The following PALB2 variants were observed in gnomAD, a reference collection of about 807,000 sequenced individuals.
PALB2 encodes the protein partner and localizer of BRCA2, also known as mutant partner and localizer of BRCA2.
PALB2 carries 82 observed loss-of-function variants against 107.4 expected under a neutral mutation model. The ratio of observed to expected loss-of-function variants is 0.76; its 90% CI spans 0.64 to 0.92. The LOEUF (loss-of-function observed/expected upper bound fraction) is 0.92, where lower values mean the gene tolerates loss of function less well. Ranked by LOEUF, PALB2 falls within the 40% of genes least tolerant of loss-of-function variation. PALB2 has a pLI of 0.00. For missense variants in PALB2, 1,374 were observed against 1,379.9 expected (o/e 1.00, Z 0.07); for synonymous variants, 489 against 496.8 (o/e 0.98, Z 0.21).
chr16:23,631,971 T>G (rs940245806), intron 4 of PALB2, among the ~76,000 whole-genome samples: 1 of 152,148 alleles, frequency 6.6e-6, no homozygotes, highest in African/African-American at 2.4e-5. Context: ...ATCAGCCTCC[T>G]GAGTAGCAAT....
intron 4 of PALB2, 116 bp downstream of exon 4, chr16:23,634,746 G>T: frequency 7.1e-7 from 1 of 1,400,760 alleles, no homozygotes; most frequent in Non-Finnish European, 9.7e-7. Context: ...ACAGACGTAA[G>T]CCACCACACT....
rs2142416694 is a variant in PALB2 at position 23,635,132 on chromosome 16, G to A, written c.1414C>T (p.Gln472Ter). The change falls in exon 4 of 13, where the codon CAA becomes TAA. Residue 472 changes from glutamine (Q) to a stop codon, truncating the protein, a stop_gained. Coordinates refer to ENST00000261584, the MANE Select transcript of PALB2 (RefSeq NM_024675.4). LOFTEE classifies it high-confidence loss of function. ...TTCTGAGAGGTTCTTGAACTTGGTT[G>A]TCCTGTGCATGTGCCAGACATCCTA... ...EIRMSGTCTG[Q>*]PSSRTSQKLL... is the part of the protein sequence containing the mutation. The A allele has an allele frequency of 6.2e-7, 1 of 1,614,198 alleles. No homozygotes were observed. The highest frequency in any genetic ancestry group is 8.5e-7 in the Non-Finnish European group (1 of 1,180,040).
intron 8 of PALB2, 141 bp downstream of exon 8, chr16:23,623,868 A>ATT: frequency 1.5e-6 from 1 of 677,064 alleles, no homozygotes; most frequent in Non-Finnish European, 2.6e-6. Flanking sequence ...CATTCTATTG[A>ATT]TTTTTTTTTA....
intron 4 of PALB2, among the ~76,000 whole-genome samples, chr16:23,631,057 A>AGT (rs1348727442): frequency 6.7e-6 from 1 of 149,460 alleles, no homozygotes; most frequent in African/African-American, 2.5e-5. Flanking sequence ...TGAGGTCAGG[A>AGT]GTTCAAGACC....
chr16:23,608,776 A>G (rs1012797348), intron 11 of PALB2, among the ~76,000 whole-genome samples: 1 of 144,058 alleles, frequency 6.9e-6, no homozygotes, highest in African/African-American at 2.6e-5. Flanking sequence ...TCTAATAATA[A>G]TATTACTGTA....
At chr16:23,606,618 C>T (rs150379578) in intron 12 of PALB2, among the ~76,000 whole-genome samples, 3,857 of 152,104 alleles carry the variant, frequency 0.025, 69 homozygotes, top group Middle Eastern at 0.088. Flanking sequence ...CTCTCCCTCC[C>T]GGGTTCAAGC....
intron 4 of PALB2, 42 bp from the exon 5 acceptor site, chr16:23,630,511 A>T (rs749269657): frequency 1.4e-6 from 2 of 1,429,228 alleles, no homozygotes. Flanking sequence ...ACAAAACCCA[A>T]CAAAACAGAC....
rs45542234 is a variant in PALB2, at chr16:23,626,377, G to A, written c.2607C>T (p.Ser869=). 3.3e-4 allele frequency: 536 copies of A among 1,614,064 alleles called. 1 individual carries two copies. The African/African-American group carries it at 5.9e-3, about 18-fold the overall frequency. ...SELKNPSGSC[S]VDVSAMFWER... Reference sequence around the variant, plus strand: ...CCCAAAACATGGCACTCACATCTACGGAACAGGAACCTGAAGGATTCTGAC... The same window carrying A: ...CCCAAAACATGGCACTCACATCTACAGAACAGGAACCTGAAGGATTCTGAC... Residue 869 remains serine (S), a synonymous_variant, in exon 7 of 13, where the codon TCC becomes TCT. Coordinates refer to ENST00000261584, the MANE Select transcript of PALB2 (RefSeq NM_024675.4).
intron 12 of PALB2, among the ~76,000 whole-genome samples, chr16:23,604,968 G>C (rs943580385): frequency 7.9e-5 from 12 of 152,096 alleles, no homozygotes; most frequent in African/African-American, 2.9e-4. Context: ...CAGCTACTAG[G>C]GGGGCTGAGG....
At chr16:23,604,237 AC>A (rs1429008392) in intron 12 of PALB2, among the ~76,000 whole-genome samples, 2 of 152,144 alleles carry the variant, frequency 1.3e-5, no homozygotes, top group African/African-American at 2.4e-5. Flanking sequence ...TGAAGCAGAA[AC>A]CTACCTGGTT....
chr16:23,610,443 G>C (rs988435608), intron 11 of PALB2, among the ~76,000 whole-genome samples: 2 of 151,352 alleles, frequency 1.3e-5, no homozygotes, highest in South Asian at 2.1e-4. Context: ...CAACTAACTG[G>C]GACTACAGGT....
At chr16:23,628,806 G>T (rs185363985) in intron 6 of PALB2, among the ~76,000 whole-genome samples, 1 of 152,020 alleles carries the variant, frequency 6.6e-6, no homozygotes, top group African/African-American at 2.4e-5. Flanking sequence ...GCTAATTTTT[G>T]TATTTTTAGT....
intron 8 of PALB2, among the ~76,000 whole-genome samples, chr16:23,623,547 T>C (rs1966815096): frequency 8.1e-6 from 1 of 123,760 alleles, no homozygotes. Flanking sequence ...AGTCTCACTC[T>C]GTCATCCAGA....
Position 23,623,926 on chromosome 16 carries a change from G to A in PALB2, c.2834+83C>T, listed in dbSNP as rs551410901. 7.5e-5 allele frequency: 67 copies of A among 888,798 alleles called. No homozygotes were observed. Among genetic ancestry groups the A allele is most frequent in the Middle Eastern group, 2.1e-4 (1 of 4,702 alleles). The allele number at this position is 888,798 out of a possible 1,614,324, so 55.1% of individuals were successfully genotyped here. The stretch of plus-strand genomic sequence containing the variant: ...TCTTTCAGATTCTTTCAAGACTCAA[G>A]CCTAGGTTATTACCTGCACTTAAAA... On this transcript the variant is annotated intron_variant, in intron 8 of 12. Transcript: ENST00000261584.
rs1967059657 is a variant in PALB2 at position 23,636,295 on chromosome 16, A to T, written c.251T>A (p.Ile84Asn). ...NKICVYDKLH[I>N]KTHLDEETGE... ...AGTTTCTTCATCAAGATGGGTTTTG[A>T]TGTGTAACTTGTCATAAACACATAT... The change falls in exon 4 of 13, where the codon ATC (isoleucine) becomes AAC (asparagine). Residue 84 changes from isoleucine to asparagine, a missense_variant. By Grantham distance (149) the Ile-to-Asn change is moderately radical. Transcript: ENST00000261584. 6.2e-7 allele frequency: 1 copy of T among 1,613,596 alleles called. No individual in the cohort carries two copies. The highest frequency in any genetic ancestry group is 2.2e-5 in the East Asian group (1 of 44,872).
chr16:23,609,722 T>A (rs981077916), intron 11 of PALB2, among the ~76,000 whole-genome samples: 8 of 152,174 alleles, frequency 5.3e-5, no homozygotes, highest in Admixed American at 4.6e-4. Context: ...TTCACTGTGT[T>A]AGCCAGGATG....
Position 23,607,958 on chromosome 16 carries a change from G to C in PALB2, c.3256C>G (p.Arg1086Gly), listed in dbSNP as rs587776527. Residue 1086 changes from arginine to glycine, a missense_variant, in exon 12 of 13, where the codon CGA becomes GGA. Transcript: ENST00000261584. ...ACAATGAGCTGAAACACAGGGCTTC[G>C]CAACGACTCACTCTCTTTGGCACAG... ...HPCAKESESL[R>G]SPVFQLIVIN... The C allele has an allele frequency of 5.0e-6, 8 of 1,614,006 alleles. No homozygotes were observed. Among genetic ancestry groups the C allele is most frequent in the Non-Finnish European group, 6.8e-6 (8 of 1,179,940 alleles).
At chr16:23,638,328 A>G (rs926210927) in intron 1 of PALB2, 199 bp from the exon 2 acceptor site, 26 of 626,462 alleles carry the variant, frequency 4.2e-5, no homozygotes, top group Admixed American at 1.6e-4. Flanking sequence ...CATCTGGAAC[A>G]TGTCCTTCCT....
intron 10 of PALB2, among the ~76,000 whole-genome samples, chr16:23,617,050 C>T (rs905553163): frequency 1.3e-5 from 2 of 151,974 alleles, no homozygotes; most frequent in African/African-American, 4.8e-5. Context: ...CTGACCTCAT[C>T]GTGATCTGCC....
Sources: gnomAD v4.1 joint callset for allele counts (sites outside exome capture counted in the v4.1 genomes callset) on GRCh38, gnomAD v4.1.1 for gene constraint, MANE v1.5 for transcripts, NCBI Gene and HGNC (gene_info 2026-07-23, HGNC 2026-07-21) for gene names.